RTN4RL1: variants seen among roughly 807,000 people sequenced by gnomAD.
RTN4RL1 encodes reticulon-4 receptor-like 1.
A neutral mutation model predicts 25.6 loss-of-function variants in RTN4RL1; 7 were observed. That is an observed-to-expected ratio of 0.27 (90% CI 0.16 to 0.51). RTN4RL1 has a LOEUF of 0.51. Ranked by LOEUF, RTN4RL1 falls within the 20% of genes least tolerant of loss-of-function variation. The probability of loss-of-function intolerance (pLI) is 0.97; values close to 1 mark genes in which losing one functional copy is unlikely to be tolerated. For synonymous variants in RTN4RL1, 297 were observed against 288.2 expected, an observed-to-expected ratio of 1.03 and a Z score of -0.31; for missense variants, 500 against 615.6, an observed-to-expected ratio of 0.81 and a Z score of 1.99.
At chr17:1,941,902 C>T (rs191684068) in intron 1 of RTN4RL1, among the ~76,000 whole-genome samples, 47 of 152,288 alleles carry the variant, frequency 3.1e-4, no homozygotes, top group African/African-American at 1.1e-3. Flanking sequence ...AGCTTTGCCA[C>T]GGCTCCTCTC....
intron 1 of RTN4RL1, among the ~76,000 whole-genome samples, chr17:2,001,251 G>A (rs1352924535): frequency 6.6e-6 from 1 of 150,384 alleles, no homozygotes; most frequent in East Asian, 2.0e-4. Context: ...TTGATCCTCT[G>A]GGTTTTTTTT....
At chr17:1,979,116 T>C (rs2066855965) in intron 1 of RTN4RL1, among the ~76,000 whole-genome samples, 1 of 152,166 alleles carries the variant, frequency 6.6e-6, no homozygotes, top group South Asian at 2.1e-4. Context: ...CTACTAAAAA[T>C]GCAAAAATTA....
At chr17:1,988,403 C>CAAAAAA (rs398030159) in intron 1 of RTN4RL1, among the ~76,000 whole-genome samples, 5 of 77,218 alleles carry the variant, frequency 6.5e-5, no homozygotes, top group African/African-American at 1.6e-4. Flanking sequence ...GACTCCGCCT[C>CAAAAAA]AAAAAAAAAA....
At chr17:2,002,482 T>C (rs929366689) in intron 1 of RTN4RL1, among the ~76,000 whole-genome samples, 56 of 150,382 alleles carry the variant, frequency 3.7e-4, no homozygotes, top group Non-Finnish European at 4.7e-4. Flanking sequence ...TTAGTACAGA[T>C]GGGGTTTCAC....
intron 1 of RTN4RL1, among the ~76,000 whole-genome samples, chr17:1,963,009 C>G (rs2066773120): frequency 6.6e-6 from 1 of 151,920 alleles, no homozygotes; most frequent in Non-Finnish European, 1.5e-5. Flanking sequence ...ATAATCATAG[C>G]TCACTGCAAC....
At chr17:2,021,551 C>CTTTTT (rs767770637) in intron 1 of RTN4RL1, among the ~76,000 whole-genome samples, 32 of 106,194 alleles carry the variant, frequency 3.0e-4, no homozygotes, top group African/African-American at 7.2e-4. Flanking sequence ...CATCCTATAC[C>CTTTTT]TTTTTTTTTT....
At chr17:2,019,740 G>A (rs1428007758) in intron 1 of RTN4RL1, 1 of 152,268 alleles carries the variant, frequency 6.6e-6, no homozygotes, top group African/African-American at 2.4e-5. Flanking sequence ...AAACTCTGAA[G>A]TTCACTCCTA....
intron 1 of RTN4RL1, among the ~76,000 whole-genome samples, chr17:1,997,182 CCCA>C (rs1457001835): frequency 6.6e-6 from 1 of 152,254 alleles, no homozygotes; most frequent in Non-Finnish European, 1.5e-5. Flanking sequence ...TCCTCCGTGG[CCCA>C]CGAGACCTTC....
chr17:1,946,150 G>A (rs1915533630), intron 1 of RTN4RL1, among the ~76,000 whole-genome samples: 1 of 152,196 alleles, frequency 6.6e-6, no homozygotes, highest in Admixed American at 6.5e-5. Flanking sequence ...TGGGACAGAG[G>A]GGTTTTCCAG....
rs543468000 is a variant in RTN4RL1, at chr17:1,946,867, C to T, written c.14-9059G>A. Among the ~76,000 whole-genome samples the T allele has an allele frequency of 7.7e-3, 403 of 52,392 alleles. 2 individuals carry two copies. The highest frequency in any genetic ancestry group is 0.029 in the African/African-American group (383 of 13,022). 34.4% of individuals were successfully genotyped at this position (52,392 alleles called of 152,430 possible). On this transcript the variant is annotated intron_variant, in intron 1 of 1. Coordinates refer to ENST00000331238, the MANE Select transcript of RTN4RL1 (RefSeq NM_178568.4). ...TATGTTGAATGTGTGTCTGTGTGCA[C>T]GTGTGTCTGTGTCTCTGTGTGTGCA...
chr17:1,977,842 G>A (rs1475309938), intron 1 of RTN4RL1, among the ~76,000 whole-genome samples: 1 of 152,076 alleles, frequency 6.6e-6, no homozygotes, highest in Non-Finnish European at 1.5e-5. Flanking sequence ...CAGCGGCCGC[G>A]GGCCGCCCGG....
intron 1 of RTN4RL1, among the ~76,000 whole-genome samples, chr17:2,002,427 G>A (rs2066964858): frequency 2.0e-5 from 3 of 150,726 alleles, no homozygotes; most frequent in Admixed American, 1.3e-4. Context: ...CGAGTAGCTG[G>A]GACTACAGGC....
chr17:1,965,934 GC>G (rs1157493884), intron 1 of RTN4RL1, among the ~76,000 whole-genome samples: 6 of 152,062 alleles, frequency 3.9e-5, no homozygotes, highest in African/African-American at 1.4e-4. Flanking sequence ...CTGCTTCAAA[GC>G]CCAGAACACC....
chr17:1,976,574 T>A (rs926787595), intron 1 of RTN4RL1, among the ~76,000 whole-genome samples: 3 of 152,204 alleles, frequency 2.0e-5, no homozygotes, highest in Admixed American at 6.5e-5. Flanking sequence ...TCCTTGAGCC[T>A]CAGTTTCTGA....
chr17:1,977,267 C>T (rs555726993), intron 1 of RTN4RL1, among the ~76,000 whole-genome samples: 65 of 152,322 alleles, frequency 4.3e-4, no homozygotes, highest in Non-Finnish European at 7.9e-4. Flanking sequence ...GTCTGGGGAA[C>T]ACCCAGGCAA....
chr17:1,980,752 AC>A (rs1332325653), intron 1 of RTN4RL1, among the ~76,000 whole-genome samples: 3 of 151,306 alleles, frequency 2.0e-5, no homozygotes, highest in Admixed American at 1.3e-4. Context: ...ACATGGAGAA[AC>A]CCCGTCTCTA....
rs371795025 is a variant in RTN4RL1, at chr17:1,979,188, G to T, written c.14-41380C>A. 4.4e-4 allele frequency among the ~76,000 whole-genome samples: 67 copies of T among 152,344 alleles called. No homozygotes were observed. The East Asian group carries it at 6.2e-3, about 14-fold the overall frequency. On this transcript the variant is annotated intron_variant, in intron 1 of 1. Coordinates refer to ENST00000331238, the MANE Select transcript of RTN4RL1 (RefSeq NM_178568.4). Reference sequence around the variant, plus strand: ...TTCAGGAGGCTGAGGCAGGAGAATTGCTTGAACCTGGAAAGCAAAGGTTGC... The same window carrying T: ...TTCAGGAGGCTGAGGCAGGAGAATTTCTTGAACCTGGAAAGCAAAGGTTGC...
intron 1 of RTN4RL1, among the ~76,000 whole-genome samples, chr17:1,940,110 G>C (rs937293969): frequency 1.3e-5 from 2 of 152,222 alleles, no homozygotes; most frequent in African/African-American, 4.8e-5. Flanking sequence ...GGCAGAAACA[G>C]CCTCGTAAAT....
chr17:1,977,514 A>G (rs979444624), intron 1 of RTN4RL1, among the ~76,000 whole-genome samples: 1 of 152,006 alleles, frequency 6.6e-6, no homozygotes, highest in African/African-American at 2.4e-5. Context: ...AGAGCCGCCC[A>G]GTGCCGCCCC....
Sources: gnomAD v4.1 joint callset for allele counts (sites outside exome capture counted in the v4.1 genomes callset) on GRCh38, gnomAD v4.1.1 for gene constraint, MANE v1.5 for transcripts, NCBI Gene and HGNC (gene_info 2026-07-23, HGNC 2026-07-21) for gene names.